Variants in GPATCH3 observed in about 807,000 individuals in gnomAD.
GPATCH3 encodes the protein G patch domain-containing protein 3.
In GPATCH3, 45 loss-of-function variants were observed where a neutral mutation model predicts 53.2. The ratio of observed to expected loss-of-function variants is 0.85; its 90% CI spans 0.67 to 1.08. The LOEUF (loss-of-function observed/expected upper bound fraction) is 1.08. Among genes scored for constraint, GPATCH3 ranks in the 50% least tolerant of loss-of-function variants. The probability of loss-of-function intolerance (pLI) is 0.00; values close to 1 mark genes in which losing one functional copy is unlikely to be tolerated. For missense variants in GPATCH3, 680 were observed against 687.2 expected, an observed-to-expected ratio of 0.99 and a Z score of 0.12; for synonymous variants, 280 against 270.6, an observed-to-expected ratio of 1.03 and a Z score of -0.34.
intron 6 of GPATCH3, 123 bp from the exon 7 acceptor site, chr1:26,891,349 G>T: frequency 1.4e-6 from 1 of 716,694 alleles, no homozygotes; most frequent in Non-Finnish European, 2.3e-6. Flanking sequence ...TTTAAATCTG[G>T]GTCTTTGTTC....
chr1:26,892,148 AT>A (rs1055045547), intron 6 of GPATCH3, among the ~76,000 whole-genome samples: 15 of 151,114 alleles, frequency 9.9e-5, no homozygotes, highest in Non-Finnish European at 1.8e-4. Context: ...CGGACTTTTT[AT>A]TTTTCTAACA....
chr1:26,893,328 G>A, intron 4 of GPATCH3, 61 bp downstream of exon 4: 1 of 1,285,982 alleles, frequency 7.8e-7, no homozygotes, highest in Non-Finnish European at 1.1e-6. Context: ...CTCTGGTAAA[G>A]TGTCACTGCA....
chr1:26,897,017 G>A (rs577879507), intron 2 of GPATCH3, among the ~76,000 whole-genome samples: 46 of 139,674 alleles, frequency 3.3e-4, no homozygotes, highest in Admixed American at 1.3e-3. Context: ...GCAAGACTCC[G>A]TCTCAAAAAA....
chr1:26,899,694 G>T (rs1187602406), intron 1 of GPATCH3, among the ~76,000 whole-genome samples: 1 of 152,176 alleles, frequency 6.6e-6, no homozygotes, highest in Non-Finnish European at 1.5e-5. Flanking sequence ...ACAGTAAAAG[G>T]GTTAGAGACT....
At chr1:26,899,670 A>T (rs1363361536) in intron 1 of GPATCH3, among the ~76,000 whole-genome samples, 1 of 152,218 alleles carries the variant, frequency 6.6e-6, no homozygotes, top group Non-Finnish European at 1.5e-5. Context: ...GCACAGAGAG[A>T]GCAGGAGAGA....
Position 26,900,052 on chromosome 1 carries a change from C to G in GPATCH3, c.391G>C (p.Gly131Arg). ...YSGRRWLDSH[G>R]TWLPGRCLIR... The stretch of plus-strand genomic sequence containing the variant: ...AGACAGCGACCCGGTAGCCAAGTCC[C>G]GTGAGAATCCAGCCACCGGCGGCCC... Residue 131 changes from glycine (G) to arginine (R), a missense_variant, in exon 1 of 7, where the codon GGG (glycine) becomes CGG (arginine). Coordinates refer to ENST00000361720, the MANE Select transcript of GPATCH3 (RefSeq NM_022078.3). The G allele has an allele frequency of 1.9e-6, 3 of 1,614,172 alleles. No individual in the cohort carries two copies. The highest frequency in any genetic ancestry group is 2.5e-6 in the Non-Finnish European group (3 of 1,180,044).
intron 1 of GPATCH3, among the ~76,000 whole-genome samples, chr1:26,899,663 CAG>C (rs373518321): frequency 2.6e-5 from 4 of 152,174 alleles, no homozygotes; most frequent in African/African-American, 9.7e-5. Context: ...GTAGGAAGCA[CAG>C]AGAGAGCAGG....
In GPATCH3 at chr1:26,892,493, G is replaced by A. The variant is rs995996248; in HGVS notation, c.1279C>T (p.Gln427Ter). Residue 427 changes from glutamine to a stop codon, truncating the protein, a stop_gained, in exon 6 of 7, where the codon CAG becomes TAG. Coordinates refer to ENST00000361720, the MANE Select transcript of GPATCH3 (RefSeq NM_022078.3). LOFTEE classifies it high-confidence loss of function. ...CCTGAGCACCTGCAGCCCAGGCCCTGGCCCTCAGCCCAGCCCTGCCGCTCC... is the reference window on the plus strand; with the variant it reads ...CCTGAGCACCTGCAGCCCAGGCCCTAGCCCTCAGCCCAGCCCTGCCGCTCC... The part of the protein sequence containing the change: ...VMERQGWAEG[Q>*]GLGCRCSGVP... The A allele has an allele frequency of 1.2e-6, 2 of 1,614,044 alleles. No homozygotes were observed. The highest frequency in any genetic ancestry group is 1.7e-6 in the Non-Finnish European group (2 of 1,179,936).
chr1:26,893,529 C>CTTTTTTTT (rs57218076), intron 3 of GPATCH3, 81 bp from the exon 4 acceptor site: 3 of 373,108 alleles, frequency 8.0e-6, no homozygotes, highest in Non-Finnish European at 1.4e-5. Context: ...GTTTTTTTGG[C>CTTTTTTTT]TTTTTTTTTT....
intron 2 of GPATCH3, among the ~76,000 whole-genome samples, chr1:26,895,582 A>C (rs2081947566): frequency 6.7e-6 from 1 of 149,384 alleles, no homozygotes. Flanking sequence ...AGGAGAGGGG[A>C]AGTCAGGATG....
At position 26,891,074 on chromosome 1, in the gene GPATCH3, C is replaced by T. The variant is rs138905113; in HGVS notation, c.1514G>A (p.Arg505Gln). Residue 505 changes from arginine (R) to glutamine (Q), a missense_variant, in exon 7 of 7, where the codon CGG becomes CAG. Transcript: ENST00000361720. Reference protein sequence around the residue: ...RRQPPTSMKFRTDMAFVRGSS... With the variant: ...RRQPPTSMKFQTDMAFVRGSS... The stretch of plus-strand genomic sequence containing the variant: ...ACCCCTCACAAAGGCCATGTCTGTC[C>T]GAAACTTCATGCTGGTGGGTGGCTG... The T allele has an allele frequency of 1.9e-6, 3 of 1,614,092 alleles. No individual in the cohort carries two copies. The highest frequency in any genetic ancestry group is 2.2e-5 in the East Asian group (1 of 44,878).
intron 6 of GPATCH3, among the ~76,000 whole-genome samples, chr1:26,892,102 C>CA (rs1461240616): frequency 2.0e-5 from 3 of 152,074 alleles, no homozygotes; most frequent in African/African-American, 7.2e-5. Context: ...CTGGGCCTCC[C>CA]AAAGTGTTGG....
Position 26,892,404 on chromosome 1 carries a change from CACTT to C in GPATCH3, c.1361+3_1361+6del, listed in dbSNP as rs758963484. ...GGCCCCCAGGGAAGTCCCTCAGTCA[CACTT>C]ACCCCAATCCACGCTTGCATCTGGG... On this transcript the variant is annotated splice_donor_5th_base_variant and intron_variant, in intron 6 of 6. Transcript: ENST00000361720. 1.2e-5 allele frequency: 19 copies of C among 1,610,882 alleles called. No individual in the cohort carries two copies. Among genetic ancestry groups the C allele is most frequent in the South Asian group, 2.2e-5 (2 of 91,008 alleles).
intron 6 of GPATCH3, among the ~76,000 whole-genome samples, 175 bp from the exon 7 acceptor site, chr1:26,891,401 G>C (rs1350599049): frequency 2.0e-5 from 3 of 151,834 alleles, no homozygotes; most frequent in Admixed American, 2.0e-4. Flanking sequence ...CAGCAAGAAG[G>C]GGCCTCATAT....
intron 1 of GPATCH3, among the ~76,000 whole-genome samples, chr1:26,899,547 A>G (rs2081965457): frequency 6.6e-6 from 1 of 152,208 alleles, no homozygotes; most frequent in Non-Finnish European, 1.5e-5. Context: ...TGTGAACTGG[A>G]GGGCTCTGCA....
At position 26,894,372 on chromosome 1, in the gene GPATCH3, C is replaced by T. The variant is rs570455192; in HGVS notation, c.915G>A (p.Ala305=). Residue 305 remains alanine (A), a synonymous_variant, in exon 3 of 7, where the codon GCG becomes GCA. Transcript: ENST00000361720. ...CCTGCCCGGTCACGTCCTCATGCAG[C>T]GCTTCATGCCGTTCCCATTCCTCAC... ...DRGEEWERHE[A]LHEDVTGQER... 1.9e-4 allele frequency: 305 copies of T among 1,614,098 alleles called. 5 individuals carry two copies. The highest frequency in any genetic ancestry group is 1.8e-3 in the South Asian group (167 of 91,076).
In GPATCH3 at chr1:26,892,792, C is replaced by T. The variant is rs772939906; in HGVS notation, c.1112-1G>A. The T allele has an allele frequency of 2.5e-6, 4 of 1,613,742 alleles. No homozygotes were observed. Among genetic ancestry groups the T allele is most frequent in the Non-Finnish European group, 3.4e-6 (4 of 1,179,674 alleles). On this transcript the variant is annotated splice_acceptor_variant, in intron 4 of 6. Transcript: ENST00000361720. LOFTEE classifies it high-confidence loss of function. ...TCTCGGGCATCCTTGTCTCCACCAT[C>T]TGAGGAAACAGAGCTCAGTTTATGG...
At chr1:26,896,649 C>T (rs1421472230) in intron 2 of GPATCH3, among the ~76,000 whole-genome samples, 2 of 149,962 alleles carry the variant, frequency 1.3e-5, no homozygotes, top group Non-Finnish European at 3.0e-5. Context: ...TGCAGTGAGC[C>T]GAGATCGCAC....
chr1:26,899,789 G>T (rs947821839), intron 1 of GPATCH3, among the ~76,000 whole-genome samples: 1 of 152,140 alleles, frequency 6.6e-6, no homozygotes, highest in African/African-American at 2.4e-5. Context: ...ACAAAATGAA[G>T]GCTCTTCCGA....
Sources: allele counts gnomAD v4.1 joint callset (sites outside exome capture counted in the v4.1 genomes callset), GRCh38; gene constraint gnomAD v4.1.1; transcripts MANE v1.5; gene names NCBI Gene and HGNC (gene_info 2026-07-23, HGNC 2026-07-21).